The following PLEKHM2 variants were observed in gnomAD, a reference collection of about 807,000 sequenced individuals.
PLEKHM2 encodes pleckstrin homology and RUN domain containing M2, also known as pleckstrin homology domain-containing family M member 2.
PLEKHM2 carries 77 observed loss-of-function variants against 116.3 expected under a neutral mutation model. That is an observed-to-expected ratio of 0.66 (90% CI 0.55 to 0.80). The LOEUF (loss-of-function observed/expected upper bound fraction) is 0.80. Among genes scored for constraint, PLEKHM2 ranks in the 30% least tolerant of loss-of-function variants. The pLI is 0.00. For missense variants in PLEKHM2, 1,183 were observed against 1,354.9 expected (o/e 0.87, Z 1.99); for synonymous variants, 562 against 571.0 (o/e 0.98, Z 0.22).
At chr1:15,683,848 G>A (rs1557635174), upstream of PLEKHM2, among the ~76,000 whole-genome samples, 1 of 150,804 alleles carries the variant, frequency 6.6e-6, no homozygotes, top group African/African-American at 2.4e-5. Flanking sequence ...GGCAGGCGGG[G>A]TCGGGGTCTC....
In PLEKHM2 at chr1:15,684,537, T is replaced by TGGCGGC. The variant is rs757111289; in HGVS notation, c.-20_-15dup. ...GCGGCGGCGGCGGTGGCGGTGGCGG[T>TGGCGGC]GGCGGCGACGGTGGCAGCGCCATGG... On this transcript the variant is annotated 5_prime_UTR_variant, in exon 1 of 20. Coordinates refer to ENST00000375799, the MANE Select transcript of PLEKHM2 (RefSeq NM_015164.4). 1.0e-5 allele frequency: 12 copies of TGGCGGC among 1,174,460 alleles called. No homozygotes were observed. Among genetic ancestry groups the TGGCGGC allele is most frequent in the South Asian group, 6.8e-5 (2 of 29,584 alleles). The allele number at this position is 1,174,460 out of a possible 1,614,324, so 72.8% of individuals were successfully genotyped here. A position where few individuals can be genotyped will look rare whatever the true frequency, so the allele number is the denominator to read the frequency against.
intron 15 of PLEKHM2, 55 bp from the exon 16 acceptor site, chr1:15,731,137 G>A (rs769210699): frequency 1.0e-5 from 14 of 1,346,060 alleles, no homozygotes; most frequent in Admixed American, 9.7e-5. Flanking sequence ...CCTGGGCTCC[G>A]CCTGGCCCCA....
chr1:15,720,700 G>A lies in PLEKHM2; in HGVS notation c.653-629G>A, dbSNP rs2067986535. ...CCTGGGGCACCCTAGAATTGCCTCAGCATTGAGACCTTGACCTTCCCCTTT... is the reference window on the plus strand; with the variant it reads ...CCTGGGGCACCCTAGAATTGCCTCAACATTGAGACCTTGACCTTCCCCTTT... On this transcript the variant is annotated intron_variant, in intron 6 of 19. Coordinates refer to ENST00000375799, the MANE Select transcript of PLEKHM2 (RefSeq NM_015164.4). The A allele has an allele frequency of 2.0e-5, 3 of 152,806 alleles. No homozygotes were observed. The Admixed American group carries it at 2.0e-4, about 10-fold the overall frequency. The allele number at this position is 152,806 out of a possible 1,614,324, so 9.5% of individuals were successfully genotyped here.
intron 1 of PLEKHM2, among the ~76,000 whole-genome samples, chr1:15,706,290 C>T (rs1050466525): frequency 6.6e-6 from 1 of 152,206 alleles, no homozygotes; most frequent in Non-Finnish European, 1.5e-5. Context: ...GCTCCAGCCA[C>T]ACCAGGCTCC....
chr1:15,716,966 C>T, intron 3 of PLEKHM2, 150 bp downstream of exon 3: 1 of 977,244 alleles, frequency 1.0e-6, no homozygotes, highest in Non-Finnish European at 1.5e-6. Context: ...AAAATGCCAG[C>T]ACCAGGCCAG....
chr1:15,725,664 C>G, intron 8 of PLEKHM2, 119 bp downstream of exon 8: 1 of 689,868 alleles, frequency 1.4e-6, no homozygotes, highest in East Asian at 2.7e-5. Context: ...TGCATGCCTT[C>G]CTGGAAACCC....
intron 1 of PLEKHM2, among the ~76,000 whole-genome samples, chr1:15,698,710 G>C (rs1641052074): frequency 6.6e-6 from 1 of 151,874 alleles, no homozygotes; most frequent in African/African-American, 2.4e-5. Context: ...ACCACACCTG[G>C]CTAATTTTTT....
rs1416978593 is a variant in PLEKHM2 at position 15,725,548 on chromosome 1, C to T, written c.941+3C>T. On this transcript the variant is annotated splice_donor_region_variant and intron_variant, in intron 8 of 19. Transcript: ENST00000375799. ...TGCACGGAGCTCGAGGTCATCAGGT[C>T]AGCAGGGAGGGGCCCAGAAAGGAGC... 1 of 1,553,908 alleles carries T rather than the reference C, an allele frequency of 6.4e-7. No homozygotes were observed. The highest frequency in any genetic ancestry group is 1.4e-5 in the African/African-American group (1 of 73,308).
chr1:15,701,365 G>A (rs1349970432), intron 1 of PLEKHM2, among the ~76,000 whole-genome samples: 5 of 151,652 alleles, frequency 3.3e-5, no homozygotes, highest in Admixed American at 1.3e-4. Context: ...CCTGGGAGGC[G>A]GAGGTTGCAG....
intron 1 of PLEKHM2, among the ~76,000 whole-genome samples, chr1:15,703,524 C>T (rs1330419515): frequency 6.6e-6 from 1 of 152,180 alleles, no homozygotes; most frequent in African/African-American, 2.4e-5. Context: ...GGAAGGACGT[C>T]ACTTGGAACT....
intron 1 of PLEKHM2, among the ~76,000 whole-genome samples, chr1:15,705,281 C>T (rs1449840278): frequency 2.0e-5 from 3 of 148,020 alleles, no homozygotes; most frequent in East Asian, 2.0e-4. Flanking sequence ...CAGACTCAAG[C>T]GATTCTCCTA....
intron 1 of PLEKHM2, among the ~76,000 whole-genome samples, chr1:15,699,990 CAA>C (rs60375585): frequency 8.8e-5 from 12 of 136,682 alleles, no homozygotes; most frequent in Admixed American, 3.0e-4. Context: ...GCCCCCATCT[CAA>C]AAAAAAAAAA....
intron 15 of PLEKHM2, 92 bp from the exon 16 acceptor site, chr1:15,731,100 C>G: frequency 1.1e-6 from 1 of 898,292 alleles, no homozygotes; most frequent in Non-Finnish European, 1.8e-6. Context: ...ATGGCCGCAG[C>G]ATGTGCGTGG....
chr1:15,712,352 C>T (rs1049121710), intron 1 of PLEKHM2, among the ~76,000 whole-genome samples: 2 of 152,106 alleles, frequency 1.3e-5, no homozygotes, highest in Non-Finnish European at 2.9e-5. Flanking sequence ...CCAGCATGGT[C>T]GGAGTGTAAA....
At position 15,716,741 on chromosome 1, in the gene PLEKHM2, G is replaced by T; in HGVS notation, c.202G>T (p.Val68Leu). The change falls in exon 3 of 20, where the codon GTG becomes TTG. Residue 68 changes from valine to leucine, a missense_variant. Val to Leu is a conservative substitution (Grantham distance 32). This residue lies in a region of PLEKHM2 where 217 missense variants were observed against 277.6 expected (regional missense o/e 0.78). Transcript: ENST00000375799. ...CCTCTCCTCTGGCTACTGGGTGCTC[G>T]TGGTGCATTTTACTCGGAGAGAGGC... ...QDLSSGYWVL[V>L]VHFTRREAIK... 6.3e-7 allele frequency: 1 copy of T among 1,578,556 alleles called. No individual in the cohort carries two copies.
At chr1:15,718,845 T>A (rs1641501090) in intron 5 of PLEKHM2, among the ~76,000 whole-genome samples, 2 of 152,128 alleles carry the variant, frequency 1.3e-5, no homozygotes, top group African/African-American at 4.8e-5. Context: ...TCAGGTGACT[T>A]TTTCCTATCT....
At chr1:15,684,992 C>T (rs1053451980) in intron 1 of PLEKHM2, among the ~76,000 whole-genome samples, 1 of 152,202 alleles carries the variant, frequency 6.6e-6, no homozygotes, top group Non-Finnish European at 1.5e-5. Flanking sequence ...CGGGTCCCCC[C>T]GCCAGGCTGG....
At chr1:15,716,879 G>T in intron 3 of PLEKHM2, 63 bp downstream of exon 3, 6 of 1,541,716 alleles carry the variant, frequency 3.9e-6, no homozygotes, top group South Asian at 1.2e-5. Context: ...GTAGCTTGGG[G>T]CTCTGTCCCA....
At chr1:15,702,249 C>T (rs1641130400) in intron 1 of PLEKHM2, among the ~76,000 whole-genome samples, 2 of 152,170 alleles carry the variant, frequency 1.3e-5, no homozygotes, top group South Asian at 2.1e-4. Flanking sequence ...TACAGCATCG[C>T]CATGTGAGGG....
Sources: gnomAD v4.1 joint callset for allele counts (sites outside exome capture counted in the v4.1 genomes callset) on GRCh38, gnomAD v4.1.1 for gene constraint, gnomAD v4.1.1 regional missense constraint, MANE v1.5 for transcripts, NCBI Gene and HGNC (gene_info 2026-07-23, HGNC 2026-07-21) for gene names.